The following SAMD3 variants were observed in gnomAD, a reference collection of about 807,000 sequenced individuals.
SAMD3 encodes sterile alpha motif domain containing 3, also known as sterile alpha motif domain-containing protein 3.
SAMD3 carries 63 observed loss-of-function variants against 58.5 expected under a neutral mutation model. The observed-to-expected ratio is 1.08, with a 90% CI of 0.88 to 1.33. The LOEUF is 1.33. SAMD3 is among the 40% of genes most tolerant of loss of function. SAMD3 has a pLI of 0.00. For missense variants in SAMD3, 604 were observed against 608.4 expected (o/e 0.99, Z 0.08); for synonymous variants, 220 against 210.3 (o/e 1.05, Z -0.40).
intron 8 of SAMD3, among the ~76,000 whole-genome samples, chr6:130,169,367 C>T (rs1047910992): frequency 6.6e-6 from 1 of 152,000 alleles, no homozygotes; most frequent in African/African-American, 2.4e-5. Context: ...TTTTGCTTTA[C>T]AGAACATGAG....
At chr6:130,219,702 T>C (rs557315091) in intron 1 of SAMD3, among the ~76,000 whole-genome samples, 96 of 152,356 alleles carry the variant, frequency 6.3e-4, no homozygotes, top group African/African-American at 2.2e-3. Flanking sequence ...CTATCGTATA[T>C]ATACCACAGT....
chr6:130,278,515 G>A (rs1018583712), intron 2 of SAMD3, among the ~76,000 whole-genome samples: 21 of 152,094 alleles, frequency 1.4e-4, no homozygotes, highest in African/African-American at 5.1e-4. Flanking sequence ...AATTTCCATT[G>A]CAGAGTTGTT....
At chr6:130,207,314 C>T (rs1475126817) in intron 5 of SAMD3, among the ~76,000 whole-genome samples, 4 of 152,194 alleles carry the variant, frequency 2.6e-5, no homozygotes, top group South Asian at 2.1e-4. Flanking sequence ...GGCTGTACAC[C>T]GAGTGCCCTC....
chr6:130,329,596 C>T lies in SAMD3; in HGVS notation c.-303-16503G>A, dbSNP rs181630642. Among the ~76,000 whole-genome samples, 53 of 152,214 alleles carry T rather than the reference C, an allele frequency of 3.5e-4. No individual in the cohort carries two copies. The East Asian group carries it at 0.01, about 29-fold the overall frequency. On this transcript the variant is annotated intron_variant, in intron 1 of 13. Coordinates refer to the SAMD3 transcript ENST00000368134. ...ACCCAAAGGATTATAAATCATTCTACTATAAAGACACATGCACACTTATGT... is the reference window on the plus strand; with the variant it reads ...ACCCAAAGGATTATAAATCATTCTATTATAAAGACACATGCACACTTATGT...
intron 1 of SAMD3, among the ~76,000 whole-genome samples, chr6:130,360,203 T>C (rs1777943303): frequency 6.6e-6 from 1 of 152,236 alleles, no homozygotes; most frequent in South Asian, 2.1e-4. Flanking sequence ...TAAATGACTA[T>C]TGTTTACAGA....
intron 9 of SAMD3, among the ~76,000 whole-genome samples, chr6:130,153,231 T>C (rs1198852523): frequency 1.3e-5 from 2 of 152,210 alleles, no homozygotes; most frequent in Non-Finnish European, 2.9e-5. Flanking sequence ...CATACTTTTC[T>C]AACAGCCAGA....
intron 2 of SAMD3, among the ~76,000 whole-genome samples, chr6:130,247,463 T>C (rs1364264828): frequency 7.0e-6 from 1 of 142,840 alleles, no homozygotes; most frequent in Non-Finnish European, 1.5e-5. Flanking sequence ...TGAGACTCCA[T>C]CTCAAAAAAA....
chr6:130,259,857 C>A (rs1774060537), intron 2 of SAMD3, among the ~76,000 whole-genome samples: 2 of 152,160 alleles, frequency 1.3e-5, no homozygotes, highest in Non-Finnish European at 2.9e-5. Flanking sequence ...TTGACATTAA[C>A]TTAATCCACT....
chr6:130,282,670 G>C (rs979699189), intron 2 of SAMD3, among the ~76,000 whole-genome samples: 3 of 152,096 alleles, frequency 2.0e-5, no homozygotes, highest in Non-Finnish European at 4.4e-5. Context: ...TCTACTCACT[G>C]GTACAGAGAA....
intron 8 of SAMD3, chr6:130,161,986 G>C: frequency 3.0e-6 from 1 of 329,682 alleles, no homozygotes; most frequent in Non-Finnish European, 5.5e-6. Context: ...AAGTAGACAT[G>C]AAGCACGAAA....
rs143144547 is a variant in SAMD3, at chr6:130,273,393, T to A, written c.-188+39585A>T. On this transcript the variant is annotated intron_variant, in intron 2 of 13. Transcript: ENST00000368134. ...TTTAGCCTATGTGTATCCTTAAATC[T>A]AAAATGAGTCTCTTGTAGACAACAT... Among the ~76,000 whole-genome samples the A allele has an allele frequency of 7.1e-3, 1,078 of 152,280 alleles. 11 individuals are homozygous for A. Among genetic ancestry groups the A allele is most frequent in the Middle Eastern group, 0.017 (5 of 294 alleles).
intron 9 of SAMD3, among the ~76,000 whole-genome samples, chr6:130,148,792 AG>A (rs1179238329): frequency 6.6e-6 from 1 of 152,038 alleles, no homozygotes; most frequent in African/African-American, 2.4e-5. Flanking sequence ...GGATCACCTG[AG>A]CCCTGGGAGG....
chr6:130,257,785 TAAG>T (rs1460937668), intron 2 of SAMD3, among the ~76,000 whole-genome samples: 1 of 152,078 alleles, frequency 6.6e-6, no homozygotes. Context: ...AAATAAACAA[TAAG>T]ATGAGGTTAT....
downstream of SAMD3, among the ~76,000 whole-genome samples, chr6:130,143,547 A>G (rs1788380314): frequency 6.6e-6 from 1 of 152,130 alleles, no homozygotes; most frequent in Admixed American, 6.5e-5. Context: ...CCCGGCCCAC[A>G]TGAGCCTTTC....
At chr6:130,275,634 G>A in intron 2 of SAMD3, among the ~76,000 whole-genome samples, 1 of 151,802 alleles carries the variant, frequency 6.6e-6, no homozygotes, top group East Asian at 1.9e-4. Context: ...TAATGATATG[G>A]GAGAAAAATC....
intron 9 of SAMD3, among the ~76,000 whole-genome samples, chr6:130,153,012 T>G (rs1247396743): frequency 1.3e-5 from 2 of 152,156 alleles, no homozygotes; most frequent in African/African-American, 4.8e-5. Context: ...GGCTACGACA[T>G]TAGTGATCAC....
intron 5 of SAMD3, 33 bp from the exon 6 acceptor site, chr6:130,184,656 C>G (rs909085479): frequency 6.4e-7 from 1 of 1,560,640 alleles, no homozygotes; most frequent in Admixed American, 1.8e-5. Flanking sequence ...GAATGAAATT[C>G]TATTCCAAAT....
intron 2 of SAMD3, among the ~76,000 whole-genome samples, chr6:130,296,470 A>T (rs1002525055): frequency 6.6e-6 from 1 of 152,176 alleles, no homozygotes; most frequent in African/African-American, 2.4e-5. Flanking sequence ...AGTGGGCGGC[A>T]CTGGCTCCCA....
At position 130,237,126 on chromosome 6, in the gene SAMD3, T is replaced by A. The variant is rs182271125; in HGVS notation, c.-187-14313A>T. ...AAAATAAAGCTGTGCTGATTTTTTT[T>A]AAAAATGTTTTTTCTATCTTCAGCA... On this transcript the variant is annotated intron_variant, in intron 2 of 13. Coordinates refer to the SAMD3 transcript ENST00000368134. Among the ~76,000 whole-genome samples, 741 of 152,346 alleles carry A rather than the reference T, an allele frequency of 4.9e-3. 8 individuals carry two copies. Among genetic ancestry groups the A allele is most frequent in the African/African-American group, 0.017 (692 of 41,568 alleles).
Sources: allele counts gnomAD v4.1 joint callset (sites outside exome capture counted in the v4.1 genomes callset), GRCh38; gene constraint gnomAD v4.1.1; transcripts MANE v1.5; gene names NCBI Gene and HGNC (gene_info 2026-07-23, HGNC 2026-07-21).